Variants in EPB41L3 observed in about 807,000 individuals in gnomAD.
EPB41L3 encodes the protein erythrocyte membrane protein band 4.1 like 3.
In EPB41L3, 57 loss-of-function variants were observed where a neutral mutation model predicts 127.1. That is an observed-to-expected ratio of 0.45 (90% CI 0.36 to 0.56). The LOEUF is 0.56. Among genes scored for constraint, EPB41L3 ranks in the 20% least tolerant of loss-of-function variants. EPB41L3 has a pLI of 0.00. For synonymous variants in EPB41L3, 572 were observed against 549.5 expected, an observed-to-expected ratio of 1.04 and a Z score of -0.57; for missense variants, 1,273 against 1,372.2, an observed-to-expected ratio of 0.93 and a Z score of 1.14.
chr18:5,580,117 G>C (rs548261480), intron 3 of EPB41L3, among the ~76,000 whole-genome samples: 6 of 152,220 alleles, frequency 3.9e-5, no homozygotes, highest in African/African-American at 1.4e-4. Context: ...TGCTCTAAAC[G>C]TCTAAGATAA....
intron 1 of EPB41L3, among the ~76,000 whole-genome samples, chr18:5,615,835 C>T (rs1307389691): frequency 6.6e-6 from 1 of 152,120 alleles, no homozygotes; most frequent in Non-Finnish European, 1.5e-5. Flanking sequence ...CTTCTTAGTA[C>T]TCCTTTTTTC....
At chr18:5,527,750 C>G (rs529581837) in intron 1 of EPB41L3, among the ~76,000 whole-genome samples, 12 of 152,194 alleles carry the variant, frequency 7.9e-5, no homozygotes, top group Non-Finnish European at 1.3e-4. Flanking sequence ...TGTGAAAACG[C>G]AGAGGAAGAA....
At chr18:5,454,287 T>C (rs2082719195) in intron 3 of EPB41L3, among the ~76,000 whole-genome samples, 1 of 150,546 alleles carries the variant, frequency 6.6e-6, no homozygotes, top group African/African-American at 2.4e-5. Context: ...AAGATGATGG[T>C]GTCTGGTCTG....
intron 1 of EPB41L3, among the ~76,000 whole-genome samples, chr18:5,618,715 A>G (rs557383205): frequency 2.0e-5 from 3 of 152,342 alleles, no homozygotes; most frequent in African/African-American, 7.2e-5. Flanking sequence ...AAAAAAAACT[A>G]CACCATAAAT....
rs140233867 is a variant in EPB41L3, at chr18:5,485,663, A to G, written c.183+3338T>C. On this transcript the variant is annotated intron_variant, in intron 2 of 22. Transcript: ENST00000341928. ...CAGTGAAATTGTAGAATTTATCAAC[A>G]TACAAAAATCAGTAGTGTTTAAATT... 3.4e-3 allele frequency among the ~76,000 whole-genome samples: 521 copies of G among 152,244 alleles called. 3 individuals carry two copies. The highest frequency in any genetic ancestry group is 0.02 in the Admixed American group (308 of 15,296).
chr18:5,497,624 C>A (rs1336794836), intron 1 of EPB41L3, among the ~76,000 whole-genome samples: 1 of 152,166 alleles, frequency 6.6e-6, no homozygotes, highest in Non-Finnish European at 1.5e-5. Flanking sequence ...AACAATTATT[C>A]TTCTAGACTG....
chr18:5,400,446 A>C (rs2074315263), intron 16 of EPB41L3: 12 of 445,552 alleles, frequency 2.7e-5, no homozygotes, highest in South Asian at 1.8e-4. Context: ...ACCACTACAG[A>C]TTGATCTACA....
At chr18:5,530,500 T>C (rs1026236879) in intron 1 of EPB41L3, among the ~76,000 whole-genome samples, 2 of 152,132 alleles carry the variant, frequency 1.3e-5, no homozygotes, top group East Asian at 1.9e-4. Context: ...CAGGATGACA[T>C]GGTGCACAGG....
In EPB41L3 at chr18:5,593,552, G is replaced by A. The variant is rs528259210; in HGVS notation, c.-306+18788C>T. Reference sequence around the variant, plus strand: ...GATCACAGGACCATGGGACCAGGGCGAAATTAAAATTGCTAATGAAGTTTC... The same window carrying A: ...GATCACAGGACCATGGGACCAGGGCAAAATTAAAATTGCTAATGAAGTTTC... On this transcript the variant is annotated intron_variant, in intron 3 of 21. Transcript: ENST00000545076. Among the ~76,000 whole-genome samples the A allele has an allele frequency of 3.9e-5, 6 of 152,246 alleles. No homozygotes were observed. The South Asian group carries it at 1.0e-3, about 26-fold the overall frequency.
intron 5 of EPB41L3, among the ~76,000 whole-genome samples, chr18:5,442,535 C>T (rs979157774): frequency 6.6e-6 from 1 of 152,084 alleles, no homozygotes; most frequent in Non-Finnish European, 1.5e-5. Context: ...TTTGATAGCT[C>T]ACGACTTTCA....
intron 5 of EPB41L3, among the ~76,000 whole-genome samples, chr18:5,440,379 G>A (rs979569312): frequency 6.6e-6 from 1 of 152,080 alleles, no homozygotes; most frequent in Non-Finnish European, 1.5e-5. Context: ...CCAGTTAAAT[G>A]GGGCATAACA....
At chr18:5,517,675 C>T (rs2092805237) in intron 1 of EPB41L3, among the ~76,000 whole-genome samples, 1 of 152,112 alleles carries the variant, frequency 6.6e-6, no homozygotes, top group African/African-American at 2.4e-5. Flanking sequence ...TGACCTCAAG[C>T]AATCTTCCTC....
intron 9 of EPB41L3, among the ~76,000 whole-genome samples, chr18:5,426,918 A>G (rs768954357): frequency 2.0e-5 from 3 of 152,246 alleles, no homozygotes; most frequent in Non-Finnish European, 4.4e-5. Flanking sequence ...AGTTATTTAC[A>G]TGAAAAGCTT....
chr18:5,590,756 T>C (rs951556074), intron 3 of EPB41L3, among the ~76,000 whole-genome samples: 1 of 152,210 alleles, frequency 6.6e-6, no homozygotes, highest in Non-Finnish European at 1.5e-5. Context: ...ATGCAACAAC[T>C]TGCATGAATC....
At chr18:5,548,316 C>T (rs1175781157), upstream of EPB41L3, among the ~76,000 whole-genome samples, 1 of 152,214 alleles carries the variant, frequency 6.6e-6, no homozygotes, top group Non-Finnish European at 1.5e-5. Flanking sequence ...CTCATTAAGG[C>T]TTCCAGATGC....
intron 2 of EPB41L3, among the ~76,000 whole-genome samples, chr18:5,488,589 A>T (rs1489062767): frequency 6.6e-6 from 1 of 151,480 alleles, no homozygotes; most frequent in Non-Finnish European, 1.5e-5. Context: ...GATGATAATA[A>T]TAATAATAAT....
chr18:5,612,830 T>A (rs1383568317), intron 2 of EPB41L3, among the ~76,000 whole-genome samples: 1 of 152,174 alleles, frequency 6.6e-6, no homozygotes, highest in Admixed American at 6.5e-5. Context: ...AATCTCCGCC[T>A]CCAGGGTTCA....
chr18:5,629,601 C>T (rs935709318), upstream of EPB41L3, among the ~76,000 whole-genome samples: 1 of 152,220 alleles, frequency 6.6e-6, no homozygotes, highest in Non-Finnish European at 1.5e-5. Context: ...AAGGCCCCCC[C>T]CTCCCCCGCG....
chr18:5,444,174 CAGA>C lies in EPB41L3; in HGVS notation c.487-297_487-295del, dbSNP rs547810050. Among the ~76,000 whole-genome samples the C allele has an allele frequency of 9.5e-4, 144 of 152,304 alleles. 2 individuals are homozygous for C. In the South Asian group the frequency reaches 0.015, roughly 16 times the overall value. ...TAGCACAGAAAAAGAGGGGAAAAGACAGAAGAGTCTATGTTCAGACAAGTTACT... is the reference window on the plus strand; with the variant it reads ...TAGCACAGAAAAAGAGGGGAAAAGACAGAGTCTATGTTCAGACAAGTTACT... On this transcript the variant is annotated intron_variant, in intron 4 of 22. Transcript: ENST00000341928.
Sources: gnomAD v4.1 joint callset for allele counts (sites outside exome capture counted in the v4.1 genomes callset) on GRCh38, gnomAD v4.1.1 for gene constraint, MANE v1.5 for transcripts, NCBI Gene and HGNC (gene_info 2026-07-23, HGNC 2026-07-21) for gene names.